The following KIAA1328 variants were observed in gnomAD, a reference collection of about 807,000 sequenced individuals.
KIAA1328 encodes the protein KIAA1328, also known as protein hinderin.
KIAA1328 carries 52 observed loss-of-function variants against 68.1 expected under a neutral mutation model. The ratio of observed to expected loss-of-function variants is 0.76; its 90% CI spans 0.61 to 0.96. The LOEUF is 0.96. KIAA1328 is among the 40% of genes least tolerant of loss of function. The probability of loss-of-function intolerance (pLI) is 0.00; values close to 1 mark genes in which losing one functional copy is unlikely to be tolerated. For synonymous variants in KIAA1328, 232 were observed against 239.4 expected (o/e 0.97, Z 0.28); for missense variants, 641 against 677.6 (o/e 0.95, Z 0.60).
chr18:37,112,045 T>A (rs1228127921), intron 7 of KIAA1328, among the ~76,000 whole-genome samples: 1 of 152,202 alleles, frequency 6.6e-6, no homozygotes, highest in Admixed American at 6.5e-5. Flanking sequence ...GGGTGGAACC[T>A]ACCGCAGCTC....
chr18:37,060,376 A>G (rs1313309576), intron 6 of KIAA1328, among the ~76,000 whole-genome samples: 1 of 152,228 alleles, frequency 6.6e-6, no homozygotes, highest in Non-Finnish European at 1.5e-5. Context: ...TCACATGACC[A>G]AAAAGCATAA....
chr18:37,215,462 G>A (rs182760587), intron 9 of KIAA1328, among the ~76,000 whole-genome samples: 56 of 152,236 alleles, frequency 3.7e-4, no homozygotes, highest in Admixed American at 2.4e-3. Context: ...ATTGATTTGC[G>A]TATGTCGAAC....
At chr18:37,059,660 AC>A (rs2056067518) in intron 6 of KIAA1328, among the ~76,000 whole-genome samples, 1 of 152,174 alleles carries the variant, frequency 6.6e-6, no homozygotes, top group Admixed American at 6.5e-5. Flanking sequence ...AACCAGAAAT[AC>A]CATTTGACCC....
chr18:37,117,211 C>G (rs1251186251), intron 7 of KIAA1328, among the ~76,000 whole-genome samples: 1 of 152,178 alleles, frequency 6.6e-6, no homozygotes, highest in Non-Finnish European at 1.5e-5. Context: ...TACTGTGGCA[C>G]TATTCACAAT....
chr18:37,227,600 G>GT (rs1434981582), downstream of KIAA1328, among the ~76,000 whole-genome samples: 1 of 152,230 alleles, frequency 6.6e-6, no homozygotes, highest in East Asian at 1.9e-4. Flanking sequence ...CAGCACATCT[G>GT]TTTACAGCAT....
chr18:37,192,640 C>A (rs2059928732), intron 9 of KIAA1328, among the ~76,000 whole-genome samples: 1 of 151,372 alleles, frequency 6.6e-6, no homozygotes, highest in Non-Finnish European at 1.5e-5. Flanking sequence ...CAGTGCTTGT[C>A]TCTCAGTACA....
chr18:36,842,667 A>T (rs1379954639), intron 3 of KIAA1328, among the ~76,000 whole-genome samples: 3 of 148,852 alleles, frequency 2.0e-5, no homozygotes, highest in Non-Finnish European at 4.5e-5. Flanking sequence ...AATGCCACTA[A>T]TTATTTATTT....
Position 36,981,918 on chromosome 18 carries a change from A to G in KIAA1328, c.576+22483A>G, listed in dbSNP as rs146672482. On this transcript the variant is annotated intron_variant, in intron 6 of 9. Coordinates refer to ENST00000280020, the MANE Select transcript of KIAA1328 (RefSeq NM_020776.3). ...GATTGAACTTTTGTGTATGAAAATC[A>G]TTCTGTCTAATAACAAAAATACACT... is the stretch of plus-strand genomic sequence containing the variant. 2.8e-3 allele frequency among the ~76,000 whole-genome samples: 427 copies of G among 151,670 alleles called. 4 individuals carry two copies. Among genetic ancestry groups the G allele is most frequent in the Admixed American group, 0.018 (276 of 15,178 alleles).
intron 7 of KIAA1328, among the ~76,000 whole-genome samples, chr18:37,073,318 A>T (rs1220154871): frequency 6.6e-6 from 1 of 152,236 alleles, no homozygotes; most frequent in African/African-American, 2.4e-5. Context: ...AATTTACAAG[A>T]GGAAAAACAA....
At chr18:37,015,357 G>A (rs191688863) in intron 6 of KIAA1328, among the ~76,000 whole-genome samples, 159 of 152,156 alleles carry the variant, frequency 1.0e-3, no homozygotes, top group African/African-American at 3.2e-3. Context: ...ATTGGTCTAC[G>A]TGTCTGTTTT....
At chr18:37,063,304 C>G (rs933016553) in intron 6 of KIAA1328, among the ~76,000 whole-genome samples, 2 of 152,086 alleles carry the variant, frequency 1.3e-5, no homozygotes, top group Non-Finnish European at 2.9e-5. Context: ...TCTTCATGGC[C>G]AGCAGAAGAA....
At chr18:37,050,085 T>C (rs909117004) in intron 6 of KIAA1328, among the ~76,000 whole-genome samples, 5 of 152,172 alleles carry the variant, frequency 3.3e-5, no homozygotes, top group African/African-American at 9.7e-5. Context: ...TTGAAACATC[T>C]GTCTATACCA....
chr18:37,067,053 T>C lies in KIAA1328; in HGVS notation c.740T>C (p.Leu247Ser). The C allele has an allele frequency of 6.2e-7, 1 of 1,613,968 alleles. No individual in the cohort carries two copies. Residue 247 changes from leucine (L) to serine (S), a missense_variant, in exon 7 of 10, where the codon TTG becomes TCG. Coordinates refer to ENST00000280020, the MANE Select transcript of KIAA1328 (RefSeq NM_020776.3). Reference sequence around the variant, plus strand: ...CTTATAGCATTTAGGAATAATTCTTTGAAACCAGTAACCCTTCATCATCCC... The same window carrying C: ...CTTATAGCATTTAGGAATAATTCTTCGAAACCAGTAACCCTTCATCATCCC... Reference protein sequence around the residue: ...ESLIAFRNNSLKPVTLHHPKD... With the variant: ...ESLIAFRNNSSKPVTLHHPKD...
chr18:37,084,382 G>T, intron 7 of KIAA1328: 1 of 356,316 alleles, frequency 2.8e-6, no homozygotes. Context: ...GAAAAATATA[G>T]AAAAATATGA....
chr18:36,920,017 A>G (rs1013857207), intron 5 of KIAA1328, among the ~76,000 whole-genome samples: 9 of 152,090 alleles, frequency 5.9e-5, no homozygotes, highest in Non-Finnish European at 1.2e-4. Context: ...CCCGTTCTGT[A>G]GGTTATTTAT....
intron 3 of KIAA1328, among the ~76,000 whole-genome samples, chr18:36,840,265 T>G (rs1419250402): frequency 6.6e-6 from 1 of 152,110 alleles, no homozygotes; most frequent in African/African-American, 2.4e-5. Flanking sequence ...TTGTTTCCTG[T>G]TTTTTTGTCA....
At chr18:36,962,888 C>G (rs2051750599) in intron 6 of KIAA1328, among the ~76,000 whole-genome samples, 1 of 152,152 alleles carries the variant, frequency 6.6e-6, no homozygotes, top group African/African-American at 2.4e-5. Context: ...AATTGACACC[C>G]TAACTTCACA....
intron 6 of KIAA1328, among the ~76,000 whole-genome samples, chr18:37,030,874 G>A (rs917215612): frequency 5.4e-5 from 8 of 147,020 alleles, no homozygotes; most frequent in Non-Finnish European, 8.9e-5. Context: ...GATGTTCCCC[G>A]CCCTGTGTCC....
intron 4 of KIAA1328, among the ~76,000 whole-genome samples, chr18:36,860,501 T>A (rs2047529995): frequency 6.6e-6 from 1 of 152,156 alleles, no homozygotes; most frequent in African/African-American, 2.4e-5. Context: ...CCTGGAGAAT[T>A]GTAGTATGCA....
Sources: allele counts gnomAD v4.1 joint callset (sites outside exome capture counted in the v4.1 genomes callset), GRCh38; gene constraint gnomAD v4.1.1; transcripts MANE v1.5; gene names NCBI Gene and HGNC (gene_info 2026-07-23, HGNC 2026-07-21).